The following NRXN1 variants were observed in gnomAD, a reference collection of about 807,000 sequenced individuals.
NRXN1 encodes neurexin 1.
NRXN1 carries 39 observed loss-of-function variants against 150.9 expected under a neutral mutation model. The observed-to-expected ratio is 0.26, with a 90% CI of 0.20 to 0.34. The LOEUF (loss-of-function observed/expected upper bound fraction) is 0.34. Among genes scored for constraint, NRXN1 ranks in the 10% least tolerant of loss-of-function variants. The pLI is 1.00. For synonymous variants in NRXN1, 924 were observed against 757.0 expected (o/e 1.22, Z -3.62); for missense variants, 1,815 against 1,949.9 (o/e 0.93, Z 1.30).
At chr2:50,364,516 T>C (rs2079448278) in intron 17 of NRXN1, among the ~76,000 whole-genome samples, 1 of 152,184 alleles carries the variant, frequency 6.6e-6, no homozygotes, top group Admixed American at 6.5e-5. Flanking sequence ...TGCTACATTA[T>C]GCCAAATGCT....
rs546550939 is a variant in NRXN1, at chr2:50,547,682, G to C, written c.1759+4905C>G. Among the ~76,000 whole-genome samples the C allele has an allele frequency of 4.6e-5, 7 of 152,252 alleles. No homozygotes were observed. The East Asian group carries it at 1.4e-3, about 29-fold the overall frequency. On this transcript the variant is annotated intron_variant, in intron 9 of 22. Coordinates refer to ENST00000401669, the MANE Select transcript of NRXN1 (RefSeq NM_001330078.2). ...GTTAGTAGCTAAGTTATCCACAGAG[G>C]TTATTTACATTTTGCAGCACTGAAG...
chr2:50,129,712 A>C (rs1221260910), intron 18 of NRXN1, among the ~76,000 whole-genome samples: 1 of 152,200 alleles, frequency 6.6e-6, no homozygotes, highest in Non-Finnish European at 1.5e-5. Flanking sequence ...GATGCCCAGC[A>C]AAAAGAAAGG....
chr2:50,551,112 G>C (rs1203954122), intron 9 of NRXN1, among the ~76,000 whole-genome samples: 1 of 117,614 alleles, frequency 8.5e-6, no homozygotes, highest in Non-Finnish European at 1.7e-5. Context: ...GAGGGAGGGG[G>C]AGGGGGAGGG....
intron 12 of NRXN1, among the ~76,000 whole-genome samples, chr2:50,513,273 A>G (rs1466183670): frequency 6.6e-6 from 1 of 152,194 alleles, no homozygotes; most frequent in Non-Finnish European, 1.5e-5. Flanking sequence ...CCACCAAAGG[A>G]TCTACCATTA....
At chr2:50,538,079 G>GA (rs1468218852) in intron 10 of NRXN1, among the ~76,000 whole-genome samples, 174 bp downstream of exon 10, 7 of 152,138 alleles carry the variant, frequency 4.6e-5, no homozygotes, top group Non-Finnish European at 1.0e-4. Flanking sequence ...CAAGCTCTTT[G>GA]AAAAACATTA....
At chr2:49,935,497 TC>T (rs1192869019) in intron 22 of NRXN1, among the ~76,000 whole-genome samples, 2 of 152,206 alleles carry the variant, frequency 1.3e-5, no homozygotes, top group African/African-American at 4.8e-5. Flanking sequence ...GTGTCAGGCT[TC>T]TTATAACATT....
At chr2:51,017,503 CTTTTTTTTTTTTTTTTTTTTT>C (rs70958638) in intron 2 of NRXN1, among the ~76,000 whole-genome samples, 1 of 44,302 alleles carries the variant, frequency 2.3e-5, no homozygotes, top group Admixed American at 3.1e-4. Context: ...CCACATCTGG[CTTTTTTTTTTTTTTTTTTTTT>C]TTTTTTTTTT....
At chr2:50,471,005 G>A (rs1223874157) in intron 16 of NRXN1, among the ~76,000 whole-genome samples, 3 of 151,728 alleles carry the variant, frequency 2.0e-5, no homozygotes, top group East Asian at 3.9e-4. Context: ...TTTCTGCCAG[G>A]TACACACCAA....
At chr2:50,964,090 T>C (rs1397490331) in intron 2 of NRXN1, 2 of 314,766 alleles carry the variant, frequency 6.4e-6, no homozygotes, top group South Asian at 2.8e-5. Context: ...CTATTTAGTG[T>C]ATGTTATTTC....
At chr2:50,622,685 A>G (rs1440518290) in intron 6 of NRXN1, among the ~76,000 whole-genome samples, 2 of 152,210 alleles carry the variant, frequency 1.3e-5, no homozygotes, top group African/African-American at 4.8e-5. Context: ...TTAAAAAAAT[A>G]CAATTAAATA....
chr2:50,632,497 T>C (rs1008812328), intron 5 of NRXN1: 1 of 151,990 alleles, frequency 6.6e-6, no homozygotes, highest in Non-Finnish European at 1.5e-5. Context: ...TCATCAGCAT[T>C]ACTTGGAGCT....
chr2:50,801,018 C>T (rs1006318057), intron 5 of NRXN1, among the ~76,000 whole-genome samples: 1 of 152,018 alleles, frequency 6.6e-6, no homozygotes, highest in Non-Finnish European at 1.5e-5. Flanking sequence ...TTTTGAATGA[C>T]TTCTATTAAA....
intron 18 of NRXN1, among the ~76,000 whole-genome samples, chr2:50,137,206 TA>T (rs1180566527): frequency 6.6e-6 from 1 of 152,070 alleles, no homozygotes; most frequent in Non-Finnish European, 1.5e-5. Flanking sequence ...ATATAATATA[TA>T]AAAATATTAT....
In NRXN1 at chr2:50,288,774, C is replaced by T. The variant is rs376984064; in HGVS notation, c.3365-51804G>A. Among the ~76,000 whole-genome samples the T allele has an allele frequency of 1.1e-4, 16 of 152,254 alleles. No homozygotes were observed. The East Asian group carries it at 2.5e-3, about 24-fold the overall frequency. The stretch of plus-strand genomic sequence containing the variant: ...CCTCCCACCAGTCCTTCTCAGGACA[C>T]GTGGGAATTATGGGATGTACACTTC... On this transcript the variant is annotated intron_variant, in intron 17 of 22. Coordinates refer to ENST00000401669, the MANE Select transcript of NRXN1 (RefSeq NM_001330078.2).
At position 50,079,822 on chromosome 2, in the gene NRXN1, T is replaced by C. The variant is rs534284422; in HGVS notation, c.3718+11501A>G. Among the ~76,000 whole-genome samples the C allele has an allele frequency of 6.2e-4, 94 of 152,236 alleles. 1 individual carries two copies. The highest frequency in any genetic ancestry group is 2.4e-3 in the Admixed American group (37 of 15,300). On this transcript the variant is annotated intron_variant, in intron 19 of 22. Coordinates refer to ENST00000401669, the MANE Select transcript of NRXN1 (RefSeq NM_001330078.2). ...TTGCATGATATGTTTTAAAGTTTCC[T>C]AAATACATGCAAAGGCCTTTATTAA... is the stretch of plus-strand genomic sequence containing the variant.
chr2:50,772,959 G>T (rs1441272482), intron 5 of NRXN1, among the ~76,000 whole-genome samples: 1 of 152,060 alleles, frequency 6.6e-6, no homozygotes, highest in African/African-American at 2.4e-5. Flanking sequence ...TGCCAATAAA[G>T]AGCAGTAAAA....
At chr2:50,652,341 A>C (rs1685764826) in intron 5 of NRXN1, among the ~76,000 whole-genome samples, 1 of 152,102 alleles carries the variant, frequency 6.6e-6, no homozygotes, top group South Asian at 2.1e-4. Flanking sequence ...TAATTTTACA[A>C]CATTTTCATT....
intron 5 of NRXN1, among the ~76,000 whole-genome samples, chr2:50,893,884 A>C (rs970386163): frequency 2.6e-5 from 4 of 152,162 alleles, no homozygotes; most frequent in Admixed American, 2.6e-4. Flanking sequence ...TAGTTTACTG[A>C]GAATGATGAT....
At chr2:50,722,765 T>C (rs1044790402) in intron 5 of NRXN1, among the ~76,000 whole-genome samples, 1 of 152,212 alleles carries the variant, frequency 6.6e-6, no homozygotes, top group African/African-American at 2.4e-5. Context: ...AAAATCAATT[T>C]GAAATTCTTT....
Sources: allele counts gnomAD v4.1 joint callset (sites outside exome capture counted in the v4.1 genomes callset), GRCh38; gene constraint gnomAD v4.1.1; transcripts MANE v1.5; gene names NCBI Gene and HGNC (gene_info 2026-07-23, HGNC 2026-07-21).